The following NALCN variants were observed in gnomAD, a reference collection of about 807,000 sequenced individuals.
NALCN encodes sodium leak channel, non-selective.
Under a neutral mutation model 225.3 loss-of-function variants are expected in NALCN, and 111 were observed. The ratio of observed to expected loss-of-function variants is 0.49; its 90% CI spans 0.42 to 0.58. The LOEUF (loss-of-function observed/expected upper bound fraction) is 0.58. Among genes scored for constraint, NALCN ranks in the 20% least tolerant of loss-of-function variants. NALCN has a pLI of 0.00. For missense variants in NALCN, 1,378 were observed against 2,202.4 expected (o/e 0.63, Z 7.49); for synonymous variants, 764 against 769.0 (o/e 0.99, Z 0.11).
intron 10 of NALCN, among the ~76,000 whole-genome samples, chr13:101,261,779 T>C (rs1038135572): frequency 6.6e-6 from 1 of 152,230 alleles, no homozygotes. Context: ...TATAAGATCA[T>C]ATCATCTGCA....
intron 6 of NALCN, among the ~76,000 whole-genome samples, chr13:101,360,065 CTTT>C (rs967125614): frequency 7.5e-5 from 11 of 146,260 alleles, no homozygotes; most frequent in African/African-American, 2.5e-4. Flanking sequence ...CTCTTTCTTT[CTTT>C]TTCTTTCTTT....
intron 6 of NALCN, among the ~76,000 whole-genome samples, chr13:101,364,819 A>G (rs2046337606): frequency 6.6e-6 from 1 of 152,178 alleles, no homozygotes; most frequent in African/African-American, 2.4e-5. Flanking sequence ...CCTTACATCA[A>G]TGTATCGAAA....
chr13:101,057,984 C>A lies in NALCN; in HGVS notation c.4978G>T (p.Ala1660Ser), dbSNP rs983108567. 6 of 1,613,838 alleles carry A rather than the reference C, an allele frequency of 3.7e-6. No individual in the cohort carries two copies. Among genetic ancestry groups the A allele is most frequent in the African/African-American group, 1.3e-5 (1 of 74,918 alleles). ...RGGSRQDAADAGKPQRKFGQW... is the reference protein window; with the variant it reads ...RGGSRQDAADSGKPQRKFGQW... The stretch of plus-strand genomic sequence containing the variant: ...CCAAATTTCCTCTGGGGTTTCCCTG[C>A]GTCGGCTGCATCTTGCCGACTTCCT... Residue 1660 changes from alanine (A) to serine (S), a missense_variant, in exon 43 of 44, where the codon GCA (alanine) becomes TCA (serine). Transcript: ENST00000251127.
intron 15 of NALCN, among the ~76,000 whole-genome samples, chr13:101,147,773 A>G (rs1221111178): frequency 6.6e-6 from 1 of 151,836 alleles, no homozygotes; most frequent in East Asian, 2.0e-4. Context: ...AGCCTCAGCT[A>G]GCTCTATCCC....
At chr13:101,387,937 C>G (rs1016268965) in intron 3 of NALCN, among the ~76,000 whole-genome samples, 3 of 151,926 alleles carry the variant, frequency 2.0e-5, no homozygotes, top group South Asian at 4.2e-4. Flanking sequence ...GGACATTTTG[C>G]TAAAATAAAG....
intron 30 of NALCN, among the ~76,000 whole-genome samples, chr13:101,086,468 C>T (rs554724467): frequency 1.3e-5 from 2 of 151,662 alleles, no homozygotes; most frequent in South Asian, 4.2e-4. Context: ...TTAATATTTC[C>T]AAATTGTAGA....
intron 7 of NALCN, among the ~76,000 whole-genome samples, chr13:101,294,144 A>AT (rs1396657345): frequency 2.6e-5 from 4 of 151,810 alleles, no homozygotes; most frequent in South Asian, 2.1e-4. Flanking sequence ...GTCAAAAAAA[A>AT]TTTTTTTTTA....
At chr13:101,076,435 T>A (rs1278379545) in intron 34 of NALCN, among the ~76,000 whole-genome samples, 2 of 152,208 alleles carry the variant, frequency 1.3e-5, no homozygotes, top group African/African-American at 4.8e-5. Flanking sequence ...ATCCAGCTCT[T>A]TTTTCAAGGG....
intron 17 of NALCN, among the ~76,000 whole-genome samples, chr13:101,137,018 CATT>C (rs1304721876): frequency 1.3e-5 from 2 of 152,202 alleles, no homozygotes; most frequent in African/African-American, 4.8e-5. Context: ...GATGGTATCT[CATT>C]GTGGCTTTGA....
intron 1 of NALCN, among the ~76,000 whole-genome samples, chr13:101,413,600 A>T (rs1341948019): frequency 6.6e-6 from 1 of 152,172 alleles, no homozygotes; most frequent in Non-Finnish European, 1.5e-5. Flanking sequence ...CCACGATGAC[A>T]ACTACCTGAA....
intron 2 of NALCN, among the ~76,000 whole-genome samples, chr13:101,398,018 T>C (rs1156821244): frequency 6.6e-5 from 10 of 151,126 alleles, no homozygotes; most frequent in Admixed American, 6.6e-4. Context: ...CCTAGAGGAG[T>C]AGGAGGCTGC....
intron 28 of NALCN, among the ~76,000 whole-genome samples, chr13:101,092,996 C>G (rs903206232): frequency 6.6e-6 from 1 of 152,116 alleles, no homozygotes; most frequent in Non-Finnish European, 1.5e-5. Flanking sequence ...TATTCAGGGC[C>G]TTACCACAGT....
At chr13:101,124,756 G>T (rs2036152466) in intron 17 of NALCN, 75 bp from the exon 18 acceptor site, 3 of 1,170,980 alleles carry the variant, frequency 2.6e-6, no homozygotes, top group South Asian at 1.3e-5. Context: ...TTCAATAGAT[G>T]ACATTGTTAA....
rs531090877 is a variant in NALCN, at chr13:101,200,503, G to A, written c.1627-8449C>T. Among the ~76,000 whole-genome samples, 9 of 152,174 alleles carry A rather than the reference G, an allele frequency of 5.9e-5. 1 individual carries two copies. In the South Asian group the frequency reaches 8.3e-4, roughly 14 times the overall value. On this transcript the variant is annotated intron_variant, in intron 13 of 43. Coordinates refer to ENST00000251127, the MANE Select transcript of NALCN (RefSeq NM_052867.4). ...GTTATAAGTTGAGATTAAGAGCGTC[G>A]GATAAAAATAAGACCACCAAAGAGG... is the stretch of plus-strand genomic sequence containing the variant.
intron 6 of NALCN, among the ~76,000 whole-genome samples, chr13:101,348,314 T>C (rs1437124028): frequency 1.3e-5 from 2 of 152,110 alleles, no homozygotes; most frequent in African/African-American, 4.8e-5. Context: ...AACGTCTACC[T>C]CATAAGCCTG....
chr13:101,264,226 T>A (rs1266456389), intron 10 of NALCN, among the ~76,000 whole-genome samples: 1 of 152,232 alleles, frequency 6.6e-6, no homozygotes, highest in South Asian at 2.1e-4. Flanking sequence ...GTGTGCATAT[T>A]CTTTTTTATT....
At chr13:101,116,531 T>G (rs1205395263) in intron 18 of NALCN, 1 of 516,370 alleles carries the variant, frequency 1.9e-6, no homozygotes. Context: ...TCTTTTCTTC[T>G]TTGTCTCCAT....
chr13:101,068,577 T>C (rs1594133814), intron 38 of NALCN, 118 bp downstream of exon 38: 1 of 1,098,552 alleles, frequency 9.1e-7, no homozygotes, highest in East Asian at 2.9e-5. Flanking sequence ...CAACAATTTA[T>C]AATTAATGCC....
chr13:101,354,546 G>C (rs1254597680), intron 6 of NALCN, among the ~76,000 whole-genome samples: 2 of 152,180 alleles, frequency 1.3e-5, no homozygotes, highest in Non-Finnish European at 2.9e-5. Flanking sequence ...TATATGTAAA[G>C]AGAGCCAGTT....
Sources: allele counts gnomAD v4.1 joint callset (sites outside exome capture counted in the v4.1 genomes callset), GRCh38; gene constraint gnomAD v4.1.1; transcripts MANE v1.5; gene names NCBI Gene and HGNC (gene_info 2026-07-23, HGNC 2026-07-21).